Variants in NRXN3 observed in about 807,000 individuals in gnomAD.
The protein encoded by NRXN3 is neurexin III.
Under a neutral mutation model 137.6 loss-of-function variants are expected in NRXN3, and 32 were observed. The observed-to-expected ratio is 0.23, with a 90% confidence interval of 0.18 to 0.31. The LOEUF (loss-of-function observed/expected upper bound fraction) is 0.31. NRXN3 is among the 10% of genes least tolerant of loss of function. The pLI, the probability that NRXN3 is intolerant of heterozygous loss-of-function variation, is 1.00. For missense variants in NRXN3, 1,574 were observed against 2,062.5 expected (o/e 0.76, Z 4.59); for synonymous variants, 798 against 784.5 (o/e 1.02, Z -0.29).
intron 4 of NRXN3, among the ~76,000 whole-genome samples, chr14:78,472,084 G>C (rs1458133068): frequency 6.6e-6 from 1 of 152,228 alleles, no homozygotes; most frequent in Non-Finnish European, 1.5e-5. Flanking sequence ...CATCAGAAGA[G>C]AAAGCCTCAA....
intron 15 of NRXN3, among the ~76,000 whole-genome samples, chr14:79,228,500 A>C (rs1457239647): frequency 1.3e-5 from 2 of 152,204 alleles, no homozygotes; most frequent in Non-Finnish European, 2.9e-5. Flanking sequence ...TTAATGCCAA[A>C]CTGCTTCACC....
intron 15 of NRXN3, among the ~76,000 whole-genome samples, chr14:79,376,076 ATT>A (rs1385963257): frequency 6.8e-6 from 1 of 147,754 alleles, no homozygotes; most frequent in Non-Finnish European, 1.5e-5. Context: ...TCTCACAAAT[ATT>A]GTTTTAGTCA....
intron 2 of NRXN3, among the ~76,000 whole-genome samples, chr14:78,259,827 C>T (rs2070378982): frequency 6.6e-6 from 1 of 152,076 alleles, no homozygotes; most frequent in Admixed American, 6.6e-5. Context: ...GAATTATCAC[C>T]CAGCTGTGTT....
At chr14:78,995,503 T>C (rs1451679437) in intron 15 of NRXN3, among the ~76,000 whole-genome samples, 3 of 152,196 alleles carry the variant, frequency 2.0e-5, no homozygotes, top group African/African-American at 7.2e-5. Context: ...ATTACAGTGC[T>C]TCTAAAGTGC....
At chr14:79,022,988 G>A (rs1480877899) in intron 15 of NRXN3, among the ~76,000 whole-genome samples, 3 of 152,106 alleles carry the variant, frequency 2.0e-5, no homozygotes, top group Non-Finnish European at 2.9e-5. Flanking sequence ...AGCATCCATA[G>A]GGAAGGAATT....
At chr14:79,176,746 T>A (rs185651491) in intron 15 of NRXN3, among the ~76,000 whole-genome samples, 1 of 152,358 alleles carries the variant, frequency 6.6e-6, no homozygotes, top group East Asian at 1.9e-4. Flanking sequence ...TTAACTGACC[T>A]AGAAAAACAA....
chr14:79,234,293 A>AATATATATATAT (rs71131687), intron 15 of NRXN3, among the ~76,000 whole-genome samples: 30 of 56,184 alleles, frequency 5.3e-4, no homozygotes, highest in Non-Finnish European at 7.4e-4. Flanking sequence ...TTCAATGGTA[A>AATATATATATAT]ATATATATAT....
chr14:79,145,814 C>G (rs1310327346), intron 15 of NRXN3, among the ~76,000 whole-genome samples: 1 of 152,142 alleles, frequency 6.6e-6, no homozygotes, highest in African/African-American at 2.4e-5. Context: ...TGTATAGTCC[C>G]AAACTTTTCC....
At chr14:79,409,641 A>ATC (rs2095382284) in intron 15 of NRXN3, among the ~76,000 whole-genome samples, 1 of 145,390 alleles carries the variant, frequency 6.9e-6, no homozygotes, top group South Asian at 2.2e-4. Flanking sequence ...ATATATATAT[A>ATC]TATCCTCAAA....
intron 20 of NRXN3, among the ~76,000 whole-genome samples, chr14:79,844,650 T>C (rs2099363277): frequency 6.6e-6 from 1 of 152,148 alleles, no homozygotes; most frequent in African/African-American, 2.4e-5. Flanking sequence ...GGACTTAAAA[T>C]ATTTAGTAAA....
intron 4 of NRXN3, among the ~76,000 whole-genome samples, chr14:78,596,806 T>C (rs1164708911): frequency 1.3e-5 from 2 of 152,184 alleles, no homozygotes; most frequent in South Asian, 2.1e-4. Context: ...AGGAGTAATA[T>C]AATAACTGCA....
intron 15 of NRXN3, among the ~76,000 whole-genome samples, chr14:79,259,331 C>T (rs1403724636): frequency 1.3e-5 from 2 of 151,884 alleles, no homozygotes; most frequent in Non-Finnish European, 2.9e-5. Flanking sequence ...CTCTATCTTC[C>T]AGCTTTTTTT....
chr14:78,210,169 C>T (rs947076858), intron 1 of NRXN3, among the ~76,000 whole-genome samples: 5 of 152,148 alleles, frequency 3.3e-5, no homozygotes, highest in Admixed American at 3.3e-4. Context: ...ACATTTTTTA[C>T]TCATGGTTCT....
chr14:78,310,282 T>TTTTTTTTTTTC (rs1555458924), intron 4 of NRXN3, among the ~76,000 whole-genome samples: 1 of 123,968 alleles, frequency 8.1e-6, no homozygotes, highest in East Asian at 2.4e-4. Flanking sequence ...TTTTTTTTTT[T>TTTTTTTTTTTC]CCAGACAGTG....
intron 4 of NRXN3, among the ~76,000 whole-genome samples, chr14:78,406,224 G>A (rs533395946): frequency 1.5e-4 from 23 of 152,292 alleles, no homozygotes; most frequent in Non-Finnish European, 3.1e-4. Flanking sequence ...ACAGCAAGGG[G>A]GTGGTTATTG....
At chr14:79,435,815 GT>G (rs1386162722) in intron 15 of NRXN3, among the ~76,000 whole-genome samples, 1 of 151,928 alleles carries the variant, frequency 6.6e-6, no homozygotes, top group Non-Finnish European at 1.5e-5. Flanking sequence ...TTAATTTTTT[GT>G]AGAGATGAGG....
At chr14:78,634,244 C>A (rs1486939159) in intron 4 of NRXN3, among the ~76,000 whole-genome samples, 3 of 152,180 alleles carry the variant, frequency 2.0e-5, no homozygotes. Flanking sequence ...CTGATGCCAA[C>A]GCACGGAGCA....
chr14:79,261,601 CTGTGTGTGTGTGTG>C (rs5809932), intron 15 of NRXN3, among the ~76,000 whole-genome samples: 8 of 59,180 alleles, frequency 1.4e-4, no homozygotes, highest in East Asian at 5.9e-4. Flanking sequence ...AAGAAAGGTG[CTGTGTGTGTGTGTG>C]TGTGTGTGTG....
intron 15 of NRXN3, among the ~76,000 whole-genome samples, chr14:79,255,375 C>T: frequency 6.6e-6 from 1 of 152,190 alleles, no homozygotes; most frequent in East Asian, 1.9e-4. Flanking sequence ...CTTACCCTGC[C>T]TGGTGTTTTA....
Sources: allele counts gnomAD v4.1 joint callset (sites outside exome capture counted in the v4.1 genomes callset), GRCh38; gene constraint gnomAD v4.1.1; transcripts MANE v1.5; gene names NCBI Gene and HGNC (gene_info 2026-07-23, HGNC 2026-07-21).